Variants in FMN1 observed in about 807,000 individuals in gnomAD.
FMN1 encodes the protein formin-1.
FMN1 carries 110 observed loss-of-function variants against 132.4 expected under a neutral mutation model. The ratio of observed to expected loss-of-function variants is 0.83; its 90% CI spans 0.71 to 0.97. The LOEUF is 0.97. Ranked by LOEUF, FMN1 falls within the 50% of genes least tolerant of loss-of-function variation. The pLI, the probability that FMN1 is intolerant of heterozygous loss-of-function variation, is 0.00. For missense variants in FMN1, 1,792 were observed against 1,705.3 expected (o/e 1.05, Z -0.90); for synonymous variants, 722 against 651.7 (o/e 1.11, Z -1.64).
chr15:32,910,513 G>C lies in FMN1; in HGVS notation c.3249C>G (p.Ser1083=). ...CTGCCAGGGTCTCCAGATCAACCAC[G>C]GAGTCATCCACATTGAAAATGGCTG... ...IQQAIFNVDD[S]VVDLETLAAL... Residue 1083 remains serine, a synonymous_variant, in exon 11 of 21, where the codon TCC becomes TCG. Transcript: ENST00000616417. 5 of 1,577,620 alleles carry C rather than the reference G, an allele frequency of 3.2e-6. No individual in the cohort carries two copies. The highest frequency in any genetic ancestry group is 4.3e-6 in the Non-Finnish European group (5 of 1,161,098).
chr15:32,949,324 G>T (rs907259355), intron 9 of FMN1, among the ~76,000 whole-genome samples: 2 of 152,040 alleles, frequency 1.3e-5, no homozygotes, highest in East Asian at 3.9e-4. Flanking sequence ...AAAAGAGCAT[G>T]GTACTAATAC....
rs748429333 is a variant in FMN1, at chr15:33,107,264, TCTC to T, written c.1868-18293_1868-18291del. The stretch of plus-strand genomic sequence containing the variant: ...CCACCTCAGTCTACGCCACTACCTC[TCTC>T]ATCTGGGCAAGTGGAAAAAATCTCC... On this transcript the variant is annotated intron_variant, in intron 4 of 20. Coordinates refer to ENST00000616417, the MANE Select transcript of FMN1 (RefSeq NM_001277313.2). 3.3e-5 allele frequency among the ~76,000 whole-genome samples: 5 copies of T among 151,912 alleles called. No individual in the cohort carries two copies. The East Asian group carries it at 9.6e-4, about 29-fold the overall frequency.
chr15:32,864,294 G>A (rs919141229), intron 16 of FMN1, among the ~76,000 whole-genome samples: 63 of 152,128 alleles, frequency 4.1e-4, no homozygotes, highest in Non-Finnish European at 5.6e-4. Context: ...TGGTATTACT[G>A]GAAATCACAG....
At chr15:33,186,675 A>T (rs1398922263) in intron 2 of FMN1, among the ~76,000 whole-genome samples, 2 of 152,196 alleles carry the variant, frequency 1.3e-5, no homozygotes, top group African/African-American at 2.4e-5. Context: ...TTTGAAGACC[A>T]TTCTTAAGTT....
chr15:33,003,324 C>G (rs908258679), intron 7 of FMN1, among the ~76,000 whole-genome samples: 1 of 152,150 alleles, frequency 6.6e-6, no homozygotes, highest in Non-Finnish European at 1.5e-5. Context: ...CCAAAATCTC[C>G]TTAAGCTGAT....
At chr15:33,005,173 AAAACTT>A (rs1385489574) in intron 7 of FMN1, among the ~76,000 whole-genome samples, 2 of 151,978 alleles carry the variant, frequency 1.3e-5, no homozygotes, top group East Asian at 1.9e-4. Flanking sequence ...TATGTACCCT[AAAACTT>A]AAAGTATAAT....
intron 17 of FMN1, among the ~76,000 whole-genome samples, chr15:32,838,076 A>C (rs2058667262): frequency 6.6e-6 from 1 of 152,196 alleles, no homozygotes; most frequent in African/African-American, 2.4e-5. Flanking sequence ...AGGGATGAAC[A>C]ACCACAATAA....
intron 12 of FMN1, among the ~76,000 whole-genome samples, chr15:32,902,432 T>C (rs1317596265): frequency 6.6e-6 from 1 of 152,176 alleles, no homozygotes; most frequent in African/African-American, 2.4e-5. Flanking sequence ...TAAAGGTGTA[T>C]TTATACAGGC....
At chr15:33,080,628 T>C (rs1468377209) in intron 5 of FMN1, among the ~76,000 whole-genome samples, 1 of 152,006 alleles carries the variant, frequency 6.6e-6, no homozygotes, top group South Asian at 2.1e-4. Context: ...GGCGGGTGCC[T>C]GTAATCCCAG....
intron 15 of FMN1, among the ~76,000 whole-genome samples, chr15:32,898,213 AC>A (rs2060206117): frequency 6.6e-6 from 1 of 152,228 alleles, no homozygotes; most frequent in African/African-American, 2.4e-5. Flanking sequence ...TTACTTTGAG[AC>A]TTTTACTATT....
intron 9 of FMN1, among the ~76,000 whole-genome samples, chr15:32,948,254 A>T (rs1355975267): frequency 2.6e-5 from 4 of 151,990 alleles, no homozygotes. Context: ...TTTTGAATCA[A>T]ATTTGCCAGT....
intron 20 of FMN1, among the ~76,000 whole-genome samples, chr15:32,774,670 T>C (rs2056357718): frequency 6.6e-6 from 1 of 152,290 alleles, no homozygotes; most frequent in East Asian, 1.9e-4. Flanking sequence ...CCTAACTTTG[T>C]AGTGTTACTC....
chr15:32,886,657 T>A (rs546383830), intron 16 of FMN1, among the ~76,000 whole-genome samples: 59 of 152,078 alleles, frequency 3.9e-4, no homozygotes, highest in African/African-American at 1.4e-3. Flanking sequence ...TCAAAGACTA[T>A]AGGAGAGGTC....
chr15:33,102,578 G>A (rs1419968525), intron 4 of FMN1, among the ~76,000 whole-genome samples: 1 of 151,906 alleles, frequency 6.6e-6, no homozygotes, highest in African/African-American at 2.4e-5. Flanking sequence ...TTCTTGACAA[G>A]CAAAGATTCC....
intron 5 of FMN1, among the ~76,000 whole-genome samples, chr15:33,079,305 G>A (rs73378548): frequency 0.016 from 2,401 of 152,326 alleles, 56 homozygotes; most frequent in African/African-American, 0.056. Flanking sequence ...ATTTAGCCAA[G>A]CTTTTTATTC....
intron 5 of FMN1, among the ~76,000 whole-genome samples, chr15:33,084,396 A>G (rs1201640213): frequency 1.3e-5 from 2 of 152,216 alleles, no homozygotes; most frequent in African/African-American, 4.8e-5. Context: ...CAAGTTGGAC[A>G]GAAGTTATGG....
chr15:33,079,110 T>TGATCTCTCTGGCTTTGGAAGTATAATACA (rs1372580742), intron 5 of FMN1, among the ~76,000 whole-genome samples: 4 of 152,240 alleles, frequency 2.6e-5, no homozygotes, highest in African/African-American at 9.6e-5. Context: ...TTCTATTCTG[T>TGATCTCTCTGGCTTTGGAAGTATAATACA]GATCTCTCTG....
At chr15:32,880,399 A>ATC (rs2059740820) in intron 16 of FMN1, among the ~76,000 whole-genome samples, 1 of 152,106 alleles carries the variant, frequency 6.6e-6, no homozygotes, top group Non-Finnish European at 1.5e-5. Flanking sequence ...GATATATTAG[A>ATC]TGTATTAATT....
intron 16 of FMN1, among the ~76,000 whole-genome samples, chr15:32,865,101 G>A (rs993571565): frequency 6.6e-6 from 1 of 152,168 alleles, no homozygotes; most frequent in Non-Finnish European, 1.5e-5. Context: ...GACTAGGAGA[G>A]AAAGAGGGAG....
Sources: gnomAD v4.1 joint callset for allele counts (sites outside exome capture counted in the v4.1 genomes callset) on GRCh38, gnomAD v4.1.1 for gene constraint, MANE v1.5 for transcripts, NCBI Gene and HGNC (gene_info 2026-07-23, HGNC 2026-07-21) for gene names.